Variants in SEMA3A observed in about 807,000 individuals in gnomAD.
SEMA3A encodes semaphorin-3A.
In SEMA3A, 29 loss-of-function variants were observed where a neutral mutation model predicts 97.9. That is an observed-to-expected ratio of 0.30 (90% CI 0.22 to 0.40). The LOEUF (loss-of-function observed/expected upper bound fraction) is 0.40, where lower values mean the gene tolerates loss of function less well. Among genes scored for constraint, SEMA3A ranks in the 10% least tolerant of loss-of-function variants. SEMA3A has a pLI of 1.00. For synonymous variants in SEMA3A, 321 were observed against 323.7 expected, an observed-to-expected ratio of 0.99 and a Z score of 0.09; for missense variants, 763 against 951.3, an observed-to-expected ratio of 0.80 and a Z score of 2.60.
intron 4 of SEMA3A, among the ~76,000 whole-genome samples, chr7:84,109,853 C>A (rs1490479978): frequency 1.3e-5 from 2 of 152,138 alleles, no homozygotes; most frequent in African/African-American, 4.8e-5. Flanking sequence ...CATTAGCAAC[C>A]TTTTCTTTAT....
intron 2 of SEMA3A, among the ~76,000 whole-genome samples, chr7:84,340,782 G>GA (rs3048716): frequency 0.39 from 33,633 of 86,080 alleles, 5,452 homozygotes; most frequent in Non-Finnish European, 0.48. Context: ...CTCCATCTCG[G>GA]AAAAAAAAAA....
chr7:84,169,532 T>A (rs1797318729), intron 1 of SEMA3A, among the ~76,000 whole-genome samples: 1 of 148,758 alleles, frequency 6.7e-6, no homozygotes, highest in South Asian at 2.1e-4. Flanking sequence ...ATATAAATTA[T>A]TATATAATAC....
At chr7:84,203,192 C>T (rs972186123) in intron 3 of SEMA3A, among the ~76,000 whole-genome samples, 13 of 151,934 alleles carry the variant, frequency 8.6e-5, no homozygotes, top group Non-Finnish European at 1.9e-4. Flanking sequence ...TAATACATCA[C>T]AATATTTTGC....
At chr7:84,205,532 A>C (rs1457001073) in intron 3 of SEMA3A, among the ~76,000 whole-genome samples, 5 of 152,218 alleles carry the variant, frequency 3.3e-5, no homozygotes, top group East Asian at 1.9e-4. Context: ...ATTCTTACAG[A>C]TATCTAAATT....
chr7:84,287,864 T>G (rs1800630523), intron 3 of SEMA3A, among the ~76,000 whole-genome samples: 1 of 152,254 alleles, frequency 6.6e-6, no homozygotes, highest in Non-Finnish European at 1.5e-5. Flanking sequence ...GACTATTTAA[T>G]TTGACTAGTT....
At chr7:84,402,749 T>G (rs1803941689) in intron 1 of SEMA3A, among the ~76,000 whole-genome samples, 1 of 152,216 alleles carries the variant, frequency 6.6e-6, no homozygotes, top group Admixed American at 6.5e-5. Flanking sequence ...AAGAATAATA[T>G]TCTATTACTT....
intron 3 of SEMA3A, among the ~76,000 whole-genome samples, chr7:84,127,865 T>A: frequency 1.1e-5 from 1 of 93,084 alleles, no homozygotes; most frequent in East Asian, 4.1e-4. Context: ...ACACACAGAA[T>A]ACATTTATTC....
At chr7:84,388,780 A>T (rs999290331) in intron 1 of SEMA3A, among the ~76,000 whole-genome samples, 4 of 152,050 alleles carry the variant, frequency 2.6e-5, no homozygotes, top group African/African-American at 9.7e-5. Flanking sequence ...AGTTTCTTAA[A>T]ACAAGCCCCG....
At chr7:84,222,831 A>C (rs191287349) in intron 3 of SEMA3A, among the ~76,000 whole-genome samples, 16 of 152,008 alleles carry the variant, frequency 1.1e-4, no homozygotes, top group Non-Finnish European at 1.6e-4. Flanking sequence ...AAATTTTGCT[A>C]TGTTGGTATC....
At chr7:84,032,319 T>A (rs2116467538) in intron 6 of SEMA3A, among the ~76,000 whole-genome samples, 1 of 152,324 alleles carries the variant, frequency 6.6e-6, no homozygotes, top group South Asian at 2.1e-4. Flanking sequence ...CCATGGCAAC[T>A]TTTTAATAAC....
chr7:84,203,375 A>T (rs1798400593), intron 3 of SEMA3A, among the ~76,000 whole-genome samples: 1 of 150,530 alleles, frequency 6.6e-6, no homozygotes, highest in Non-Finnish European at 1.5e-5. Context: ...TTTGGCACAG[A>T]ATAAAGCCTA....
intron 4 of SEMA3A, among the ~76,000 whole-genome samples, chr7:84,066,228 T>C (rs565533201): frequency 6.6e-6 from 1 of 152,084 alleles, no homozygotes; most frequent in East Asian, 1.9e-4. Context: ...CAACACTTCA[T>C]GCTAAAAACT....
chr7:84,219,824 G>T (rs1798834888), intron 3 of SEMA3A, among the ~76,000 whole-genome samples: 2 of 148,310 alleles, frequency 1.3e-5, no homozygotes, highest in Non-Finnish European at 3.0e-5. Flanking sequence ...TTATGAAAAT[G>T]GCTGCTTTTC....
intron 1 of SEMA3A, among the ~76,000 whole-genome samples, chr7:84,421,347 T>C (rs1804586673): frequency 6.6e-6 from 1 of 152,012 alleles, no homozygotes; most frequent in African/African-American, 2.4e-5. Context: ...TTGCCATCAC[T>C]AGATGTGTTC....
chr7:84,295,967 A>C (rs1160796595), intron 3 of SEMA3A, among the ~76,000 whole-genome samples: 1 of 152,156 alleles, frequency 6.6e-6, no homozygotes, highest in Non-Finnish European at 1.5e-5. Flanking sequence ...AGAAGCAGCA[A>C]GAAATCATGA....
At chr7:84,080,049 T>C (rs2115793747) in intron 4 of SEMA3A, among the ~76,000 whole-genome samples, 1 of 144,354 alleles carries the variant, frequency 6.9e-6, no homozygotes, top group Admixed American at 6.9e-5. Context: ...TCATGTCCTT[T>C]GTAGGGACAT....
chr7:84,347,134 C>T (rs1802316730), intron 2 of SEMA3A, among the ~76,000 whole-genome samples: 1 of 152,126 alleles, frequency 6.6e-6, no homozygotes, highest in Non-Finnish European at 1.5e-5. Context: ...TCAGCAGTTT[C>T]CCATAAAAGT....
intron 4 of SEMA3A, among the ~76,000 whole-genome samples, chr7:84,063,779 A>T (rs1793357046): frequency 6.7e-6 from 1 of 149,726 alleles, no homozygotes; most frequent in African/African-American, 2.5e-5. Flanking sequence ...TGAAAAGACC[A>T]AATCTACGTC....
At chr7:84,357,908 A>G (rs199653559) in intron 2 of SEMA3A, among the ~76,000 whole-genome samples, 43,402 of 151,538 alleles carry the variant, frequency 0.29, 6,702 homozygotes, top group African/African-American at 0.38. Flanking sequence ...ATTTTTTCAT[A>G]TGTCTGTTGG....
Sources: gnomAD v4.1 joint callset for allele counts (sites outside exome capture counted in the v4.1 genomes callset) on GRCh38, gnomAD v4.1.1 for gene constraint, MANE v1.5 for transcripts, NCBI Gene and HGNC (gene_info 2026-07-23, HGNC 2026-07-21) for gene names.